RHBDD1: variants seen among roughly 807,000 people sequenced by gnomAD.
RHBDD1 encodes the protein rhomboid domain containing 1, also known as rhomboid-related protein 4.
RHBDD1 carries 38 observed loss-of-function variants against 36.3 expected under a neutral mutation model. The observed-to-expected ratio is 1.05, with a 90% CI of 0.81 to 1.37. The LOEUF (loss-of-function observed/expected upper bound fraction) is 1.37. RHBDD1 is among the 40% of genes most tolerant of loss of function. The probability of loss-of-function intolerance (pLI) is 0.00; values close to 1 mark genes in which losing one functional copy is unlikely to be tolerated. For synonymous variants in RHBDD1, 151 were observed against 136.5 expected (o/e 1.11, Z -0.74); for missense variants, 393 against 377.6 (o/e 1.04, Z -0.34).
chr2:226,880,422 A>G (rs528853957), intron 5 of RHBDD1, among the ~76,000 whole-genome samples: 9 of 152,358 alleles, frequency 5.9e-5, no homozygotes, highest in South Asian at 2.1e-4. Flanking sequence ...AGGGGTTACA[A>G]TTGAGCAGAA....
At position 226,879,090 on chromosome 2, in the gene RHBDD1, AC is replaced by A. The variant is rs1283796834; in HGVS notation, c.566+11773del. On this transcript the variant is annotated intron_variant, in intron 5 of 8. Coordinates refer to ENST00000392062, the MANE Select transcript of RHBDD1 (RefSeq NM_001167608.3). ...GGCATTCCAAAAAAAAAAAAAAAAA[AC>A]AGACATAGAAATATTAGTGTTACAT... is the stretch of plus-strand genomic sequence containing the variant. Among the ~76,000 whole-genome samples the A allele has an allele frequency of 6.2e-3, 942 of 151,006 alleles. 3 individuals carry two copies. The highest frequency in any genetic ancestry group is 9.9e-3 in the Non-Finnish European group (668 of 67,720).
chr2:226,972,578 T>G (rs1188231465), intron 8 of RHBDD1, among the ~76,000 whole-genome samples: 1 of 152,228 alleles, frequency 6.6e-6, no homozygotes. Flanking sequence ...CCTGCAGTGC[T>G]GCTTCATGGA....
intron 3 of RHBDD1, among the ~76,000 whole-genome samples, chr2:226,852,956 A>G (rs1942974703): frequency 7.2e-6 from 1 of 138,940 alleles, no homozygotes; most frequent in Admixed American, 7.5e-5. Context: ...ATTTGTAGAG[A>G]TGAGGTCTTG....
intron 5 of RHBDD1, among the ~76,000 whole-genome samples, chr2:226,894,551 G>A (rs904463303): frequency 8.5e-5 from 13 of 152,098 alleles, no homozygotes; most frequent in East Asian, 1.9e-4. Context: ...GATTGCAGGC[G>A]TGAGCCACTG....
chr2:226,817,267 G>A, the RHBDD1 span, among the ~76,000 whole-genome samples: 1 of 152,166 alleles, frequency 6.6e-6, no homozygotes, highest in African/African-American at 2.4e-5. Context: ...TTTTCTGAGA[G>A]CTAAAAGTTA....
chr2:226,812,664 A>C, the RHBDD1 span, among the ~76,000 whole-genome samples: 2 of 139,096 alleles, frequency 1.4e-5, no homozygotes, highest in African/African-American at 5.2e-5. Context: ...TTTGGAAAGC[A>C]CATGTATGCT....
the RHBDD1 span, among the ~76,000 whole-genome samples, chr2:226,805,278 T>C: frequency 5.9e-5 from 9 of 152,180 alleles, no homozygotes; most frequent in Non-Finnish European, 1.2e-4. Context: ...AGTGGCGCCG[T>C]CTCGGCTCAC....
the RHBDD1 span, among the ~76,000 whole-genome samples, chr2:226,827,114 T>C: frequency 2.6e-5 from 4 of 152,082 alleles, no homozygotes; most frequent in Non-Finnish European, 4.4e-5. Flanking sequence ...CATACCACCA[T>C]GTCAGGCTAC....
intron 5 of RHBDD1, among the ~76,000 whole-genome samples, chr2:226,868,127 T>C (rs1332684347): frequency 2.0e-5 from 3 of 152,228 alleles, no homozygotes; most frequent in African/African-American, 7.2e-5. Context: ...CTCTGAAGTC[T>C]TTTGGGTTGA....
the RHBDD1 span, among the ~76,000 whole-genome samples, chr2:226,805,631 C>G: frequency 6.6e-6 from 1 of 152,190 alleles, no homozygotes; most frequent in Non-Finnish European, 1.5e-5. Flanking sequence ...TTAAATTTGT[C>G]TTTTTGGTGC....
At chr2:226,809,437 G>A in the RHBDD1 span, among the ~76,000 whole-genome samples, 1 of 152,208 alleles carries the variant, frequency 6.6e-6, no homozygotes, top group African/African-American at 2.4e-5. Context: ...ACTCAGATGT[G>A]TACAGTAGGT....
Position 226,904,423 on chromosome 2 carries a change from A to T in RHBDD1, c.567-2370A>T, listed in dbSNP as rs113195824. 1.2e-4 allele frequency among the ~76,000 whole-genome samples: 13 copies of T among 107,398 alleles called. 2 individuals are homozygous for T. Among genetic ancestry groups the T allele is most frequent in the Admixed American group, 2.9e-4 (3 of 10,246 alleles). 70.5% of individuals were successfully genotyped at this position (107,398 alleles called of 152,430 possible). On this transcript the variant is annotated intron_variant, in intron 5 of 8. Transcript: ENST00000392062. ...TGGCACATCCTGCAAGCGGGGGGGG[A>T]GGGGGGTCAGGGAACTCCTGTTTCA...
At chr2:226,842,482 C>A (rs1941759826) in intron 3 of RHBDD1, among the ~76,000 whole-genome samples, 1 of 152,010 alleles carries the variant, frequency 6.6e-6, no homozygotes, top group Non-Finnish European at 1.5e-5. Context: ...TATAAGGGGT[C>A]TAGTTTCAGT....
At chr2:226,965,147 C>T (rs569263299) in intron 8 of RHBDD1, among the ~76,000 whole-genome samples, 2 of 152,104 alleles carry the variant, frequency 1.3e-5, no homozygotes, top group East Asian at 3.9e-4. Context: ...GGTCAGGTGT[C>T]CTGATAAGAG....
intron 8 of RHBDD1, among the ~76,000 whole-genome samples, chr2:226,951,421 T>C (rs1264306822): frequency 6.6e-6 from 1 of 152,230 alleles, no homozygotes; most frequent in African/African-American, 2.4e-5. Flanking sequence ...TACTCATTCC[T>C]GTTGAAGTGA....
chr2:226,941,161 G>T (rs1358366659), intron 8 of RHBDD1, among the ~76,000 whole-genome samples: 1 of 151,972 alleles, frequency 6.6e-6, no homozygotes, highest in African/African-American at 2.4e-5. Flanking sequence ...GTAGAGATGG[G>T]GTTTCTGTTG....
intron 5 of RHBDD1, among the ~76,000 whole-genome samples, chr2:226,879,072 CAA>C (rs916415771): frequency 0.031 from 2,616 of 84,066 alleles, 71 homozygotes; most frequent in African/African-American, 0.089. Context: ...ACTGGCATTC[CAA>C]AAAAAAAAAA....
At chr2:226,928,056 A>G (rs979326094) in intron 8 of RHBDD1, among the ~76,000 whole-genome samples, 2 of 152,056 alleles carry the variant, frequency 1.3e-5, no homozygotes, top group Non-Finnish European at 2.9e-5. Flanking sequence ...TTCTTTTAGG[A>G]GTTCCATGGT....
Position 226,841,998 on chromosome 2 carries a change from A to G in RHBDD1, c.-91+2371A>G, listed in dbSNP as rs184952227. On this transcript the variant is annotated intron_variant, in intron 3 of 8. Coordinates refer to ENST00000392062, the MANE Select transcript of RHBDD1 (RefSeq NM_001167608.3). ...TTTAATAATAGCCATTCTGACTGGC[A>G]TGAGATAGTATCTCATTGTGGTTTT... Among the ~76,000 whole-genome samples, 316 of 152,184 alleles carry G rather than the reference A, an allele frequency of 2.1e-3. 4 individuals are homozygous for G. The highest frequency in any genetic ancestry group is 7.3e-3 in the African/African-American group (302 of 41,556).
Sources: gnomAD v4.1 joint callset for allele counts (sites outside exome capture counted in the v4.1 genomes callset) on GRCh38, gnomAD v4.1.1 for gene constraint, MANE v1.5 for transcripts, NCBI Gene and HGNC (gene_info 2026-07-23, HGNC 2026-07-21) for gene names.